Variants in NCOA2 observed in about 807,000 individuals in gnomAD.
The protein encoded by NCOA2 is nuclear receptor coactivator 2.
NCOA2 carries 21 observed loss-of-function variants against 145.1 expected under a neutral mutation model. That is an observed-to-expected ratio of 0.14 (90% CI 0.10 to 0.21). The LOEUF (loss-of-function observed/expected upper bound fraction) is 0.21. NCOA2 is among the 10% of genes least tolerant of loss of function. The probability of loss-of-function intolerance (pLI) is 1.00; values close to 1 mark genes in which losing one functional copy is unlikely to be tolerated. For synonymous variants in NCOA2, 619 were observed against 637.5 expected (o/e 0.97, Z 0.44); for missense variants, 1,472 against 1,837.6 (o/e 0.80, Z 3.64).
chr8:70,147,499 A>G lies in NCOA2; in HGVS notation c.2605+774T>C, dbSNP rs554467225. 3.9e-5 allele frequency among the ~76,000 whole-genome samples: 6 copies of G among 152,332 alleles called. No homozygotes were observed. In the East Asian group the frequency reaches 7.7e-4, roughly 20 times the overall value. On this transcript the variant is annotated intron_variant, in intron 12 of 22. Transcript: ENST00000452400. ...CAATTTAATGCTGAAGAGGTTATCT[A>G]TCTTTCATAAATTATGGCCTTGCTA...
the NCOA2 span, among the ~76,000 whole-genome samples, chr8:70,456,224 T>C: frequency 6.6e-6 from 1 of 152,174 alleles, no homozygotes; most frequent in African/African-American, 2.4e-5. Flanking sequence ...CTGAGGACAC[T>C]AACATTCTAC....
intron 16 of NCOA2, 116 bp downstream of exon 16, chr8:70,131,721 A>C (rs1809125310): frequency 8.6e-7 from 1 of 1,161,358 alleles, no homozygotes; most frequent in South Asian, 1.7e-5. Context: ...TTGAGGTAAA[A>C]AAAACAACAA....
At chr8:70,222,906 G>T (rs184142448) in intron 2 of NCOA2, among the ~76,000 whole-genome samples, 1 of 152,242 alleles carries the variant, frequency 6.6e-6, no homozygotes, top group East Asian at 1.9e-4. Flanking sequence ...GACATCAGTG[G>T]CACATGATGG....
At chr8:70,143,451 A>G (rs77681165) in intron 13 of NCOA2, among the ~76,000 whole-genome samples, 4,912 of 152,180 alleles carry the variant, frequency 0.032, 258 homozygotes, top group African/African-American at 0.11. Context: ...AACTTTATAT[A>G]AATCAATATT....
At chr8:70,178,580 C>T (rs1815122397) in intron 4 of NCOA2, among the ~76,000 whole-genome samples, 1 of 152,262 alleles carries the variant, frequency 6.6e-6, no homozygotes, top group East Asian at 1.9e-4. Flanking sequence ...ACTGTCTGTG[C>T]AGGGGAAGCA....
intron 14 of NCOA2, among the ~76,000 whole-genome samples, chr8:70,138,739 G>T (rs377659688): frequency 6.6e-6 from 1 of 152,178 alleles, no homozygotes; most frequent in Non-Finnish European, 1.5e-5. Context: ...GAAGAAATAA[G>T]ATTTTTGATT....
At chr8:70,428,522 G>T in the NCOA2 span, among the ~76,000 whole-genome samples, 1 of 152,134 alleles carries the variant, frequency 6.6e-6, no homozygotes, top group Admixed American at 6.6e-5. Flanking sequence ...TACTCAGGAG[G>T]CTGAGGCAGG....
chr8:70,451,919 A>C, the NCOA2 span, among the ~76,000 whole-genome samples: 13 of 152,198 alleles, frequency 8.5e-5, no homozygotes, highest in Non-Finnish European at 1.5e-4. Flanking sequence ...ACAACTCAAC[A>C]ATAAAAAGAT....
intron 7 of NCOA2, 54 bp downstream of exon 7, chr8:70,166,512 T>G (rs1585921769): frequency 6.3e-7 from 1 of 1,575,566 alleles, no homozygotes; most frequent in African/African-American, 1.3e-5. Context: ...GTGAAGGAAG[T>G]AGCACAGGAA....
Position 70,128,607 on chromosome 8 carries a change from C to T in NCOA2, c.3603+95G>A, listed in dbSNP as rs1808722807. Reference sequence around the variant, plus strand: ...GTAACTGCCCTCCCCAACCCAGTATCTGCACATTGTTGGACAGCTGTGCTG... The same window carrying T: ...GTAACTGCCCTCCCCAACCCAGTATTTGCACATTGTTGGACAGCTGTGCTG... On this transcript the variant is annotated intron_variant, in intron 17 of 22. Coordinates refer to ENST00000452400, the MANE Select transcript of NCOA2 (RefSeq NM_006540.4). 3 of 1,591,874 alleles carry T rather than the reference C, an allele frequency of 1.9e-6. No individual in the cohort carries two copies. In the East Asian group the frequency reaches 6.7e-5, roughly 36 times the overall value.
intron 6 of NCOA2, among the ~76,000 whole-genome samples, chr8:70,167,898 GATGTCC>G (rs1428512188): frequency 6.6e-6 from 1 of 152,188 alleles, no homozygotes; most frequent in Admixed American, 6.5e-5. Flanking sequence ...AAAAAAATCT[GATGTCC>G]AAAGACATGT....
intron 4 of NCOA2, among the ~76,000 whole-genome samples, chr8:70,178,408 T>C (rs748961480): frequency 4.0e-4 from 61 of 152,238 alleles, no homozygotes; most frequent in Non-Finnish European, 6.3e-4. Flanking sequence ...TGCTGTTTTA[T>C]TCTTTAAAAT....
rs188177404 is a variant in NCOA2, at chr8:70,164,326, G to A, written c.731-760C>T. ...TGTAACATGCAGAGTACTCTGCACA[G>A]CCCTTTCCATTTAAAAAACACTGGA... On this transcript the variant is annotated intron_variant, in intron 7 of 22. Transcript: ENST00000452400. Among the ~76,000 whole-genome samples the A allele has an allele frequency of 1.2e-3, 182 of 152,246 alleles. 1 individual carries two copies. Among genetic ancestry groups the A allele is most frequent in the African/African-American group, 4.2e-3 (174 of 41,530 alleles).
intron 1 of NCOA2, among the ~76,000 whole-genome samples, chr8:70,334,833 C>A (rs1237205388): frequency 6.6e-6 from 1 of 152,028 alleles, no homozygotes; most frequent in East Asian, 1.9e-4. Flanking sequence ...TGGTCAGATT[C>A]TCTCTCCTTG....
intron 1 of NCOA2, among the ~76,000 whole-genome samples, chr8:70,398,382 C>T (rs949951817): frequency 7.9e-5 from 12 of 152,082 alleles, no homozygotes; most frequent in African/African-American, 2.9e-4. Context: ...TCACTTGAGC[C>T]TAGGAGGTCA....
intron 2 of NCOA2, chr8:70,273,719 T>C (rs916181519): frequency 1.6e-5 from 10 of 622,240 alleles, no homozygotes; most frequent in Non-Finnish European, 3.1e-5. Flanking sequence ...AAGGACTGGC[T>C]GAAGCACTGT....
intron 22 of NCOA2, among the ~76,000 whole-genome samples, chr8:70,114,976 A>G (rs1019220761): frequency 1.3e-5 from 2 of 152,190 alleles, no homozygotes; most frequent in Non-Finnish European, 2.9e-5. Context: ...TTTACTTCTC[A>G]GAGAAGAACA....
chr8:70,289,300 A>G (rs1826488926), intron 2 of NCOA2, among the ~76,000 whole-genome samples: 1 of 152,214 alleles, frequency 6.6e-6, no homozygotes, highest in Non-Finnish European at 1.5e-5. Flanking sequence ...ACTACTCTCT[A>G]TATTCTAGAA....
At chr8:70,229,505 C>T (rs994620230) in intron 2 of NCOA2, among the ~76,000 whole-genome samples, 4 of 152,108 alleles carry the variant, frequency 2.6e-5, no homozygotes, top group Non-Finnish European at 4.4e-5. Context: ...AACTTCAGGG[C>T]ACCAAAGTGG....
Sources: allele counts gnomAD v4.1 joint callset (sites outside exome capture counted in the v4.1 genomes callset), GRCh38; gene constraint gnomAD v4.1.1; transcripts MANE v1.5; gene names NCBI Gene and HGNC (gene_info 2026-07-23, HGNC 2026-07-21).